The following UBXN2A variants were observed in gnomAD, a reference collection of about 807,000 sequenced individuals.
The protein encoded by UBXN2A is UBX domain-containing protein 2A.
In UBXN2A, 28 loss-of-function variants were observed where a neutral mutation model predicts 28.4. That is an observed-to-expected ratio of 0.99 (90% CI 0.73 to 1.35). UBXN2A has a LOEUF of 1.35. Among genes scored for constraint, UBXN2A ranks in the 40% most tolerant of loss-of-function variants. UBXN2A has a pLI of 0.00. For missense variants in UBXN2A, 253 were observed against 297.9 expected, an observed-to-expected ratio of 0.85 and a Z score of 1.11; for synonymous variants, 97 against 103.6, an observed-to-expected ratio of 0.94 and a Z score of 0.39.
At position 24,000,329 on chromosome 2, in the gene UBXN2A, G is replaced by A; in HGVS notation, c.*462G>A. The A allele has an allele frequency of 6.5e-6, 1 of 153,460 alleles. No homozygotes were observed. The highest frequency in any genetic ancestry group is 1.4e-5 in the Non-Finnish European group (1 of 69,036). 9.5% of individuals were successfully genotyped at this position (153,460 alleles called of 1,614,324 possible). A position where few individuals can be genotyped will look rare whatever the true frequency, so the allele number is the denominator to read the frequency against. On this transcript the variant is annotated 3_prime_UTR_variant, in exon 7 of 7. Transcript: ENST00000309033. ...GAGGCCGAGACAGGCAGATCACGAG[G>A]TCAACAGATTGAGACCATCCTGGCA... is the stretch of plus-strand genomic sequence containing the variant.
chr2:23,944,056 G>A (rs1705909425), intron 1 of UBXN2A: 1 of 597,970 alleles, frequency 1.7e-6, no homozygotes, highest in Non-Finnish European at 3.2e-6. Context: ...ATGTCCATCT[G>A]CCACCATGGC....
At chr2:23,988,777 T>C (rs1397949252) in intron 6 of UBXN2A, among the ~76,000 whole-genome samples, 3 of 152,202 alleles carry the variant, frequency 2.0e-5, no homozygotes, top group African/African-American at 7.2e-5. Context: ...TGTCTATACC[T>C]ACTCATAGTT....
chr2:23,964,424 G>T (rs1005356882), intron 2 of UBXN2A, among the ~76,000 whole-genome samples: 2 of 152,120 alleles, frequency 1.3e-5, no homozygotes, highest in African/African-American at 4.8e-5. Flanking sequence ...TGGTCAGGCT[G>T]GTCTCAAACT....
intron 1 of UBXN2A, among the ~76,000 whole-genome samples, chr2:23,950,899 G>A (rs747842410): frequency 6.6e-6 from 1 of 151,342 alleles, no homozygotes. Flanking sequence ...GGCTGGTCTC[G>A]AACTCCTGAC....
At chr2:23,978,831 A>G (rs12479331) in intron 4 of UBXN2A, among the ~76,000 whole-genome samples, 111,121 of 150,982 alleles carry the variant, frequency 0.74, 41,255 homozygotes, top group East Asian at 0.85. Flanking sequence ...GCATCGTGGC[A>G]CGTGCCTGTT....
intron 6 of UBXN2A, among the ~76,000 whole-genome samples, chr2:23,995,868 C>T (rs1164345326): frequency 2.0e-5 from 3 of 151,968 alleles, no homozygotes; most frequent in Non-Finnish European, 2.9e-5. Context: ...ATGATCAAAA[C>T]AAAATCCTCT....
intron 1 of UBXN2A, among the ~76,000 whole-genome samples, chr2:23,941,995 T>C (rs1705782620): frequency 6.6e-6 from 1 of 152,094 alleles, no homozygotes; most frequent in South Asian, 2.1e-4. Context: ...GGAGAATAGC[T>C]TGAGCCGGCG....
At chr2:23,993,322 T>C (rs1302146095) in intron 6 of UBXN2A, among the ~76,000 whole-genome samples, 1 of 152,194 alleles carries the variant, frequency 6.6e-6, no homozygotes, top group Non-Finnish European at 1.5e-5. Context: ...TAGCTTTTTT[T>C]CCCCCTAAAT....
chr2:23,949,116 C>CTTTTTTTTTTTTTTTTTTTT (rs1223944833), intron 1 of UBXN2A, among the ~76,000 whole-genome samples: 3 of 127,062 alleles, frequency 2.4e-5, no homozygotes, highest in Admixed American at 8.2e-5. Flanking sequence ...ATTTTTTTTT[C>CTTTTTTTTTTTTTTTTTTTT]TTTTTTTTTT....
chr2:23,959,057 T>G (rs932073155), intron 2 of UBXN2A, among the ~76,000 whole-genome samples: 1 of 152,170 alleles, frequency 6.6e-6, no homozygotes, highest in Non-Finnish European at 1.5e-5. Flanking sequence ...TGCTCAGAAC[T>G]CCTGGCTTCA....
At chr2:23,961,879 C>G (rs958268079) in intron 2 of UBXN2A, among the ~76,000 whole-genome samples, 19 of 148,554 alleles carry the variant, frequency 1.3e-4, no homozygotes, top group African/African-American at 4.2e-4. Context: ...GAGTCTTGCT[C>G]TGTCACCCAG....
intron 1 of UBXN2A, among the ~76,000 whole-genome samples, chr2:23,952,470 A>G (rs775513695): frequency 5.6e-4 from 85 of 151,812 alleles, no homozygotes; most frequent in Non-Finnish European, 1.0e-3. Context: ...TTTGAGACAG[A>G]GTCTTTCCCT....
In UBXN2A at chr2:23,952,537, C is replaced by T. The variant is rs192740131; in HGVS notation, c.-14-5764C>T. On this transcript the variant is annotated intron_variant, in intron 1 of 6. Coordinates refer to ENST00000309033, the MANE Select transcript of UBXN2A (RefSeq NM_181713.4). ...TCAGCTCACCACAATCTCCACCTCC[C>T]GGGTTCAAGCAGTTCTTCTGCCTCA... Among the ~76,000 whole-genome samples the T allele has an allele frequency of 3.6e-3, 548 of 152,226 alleles. 2 individuals are homozygous for T. Among genetic ancestry groups the T allele is most frequent in the Middle Eastern group, 0.014 (4 of 294 alleles).
rs767955819 is a variant in UBXN2A at position 23,958,326 on chromosome 2, A to G, written c.12A>G (p.Val4=). ...TAAGGCGAAAGAGAATGAAAGACGT[A>G]GATAACCTCAAAAGTATAAAAGAAG... MKD[V]DNLKSIKEEW... is the part of the protein sequence containing the mutation. The change falls in exon 2 of 7, where the codon GTA becomes GTG. Residue 4 remains valine, a synonymous_variant. Transcript: ENST00000309033. The G allele has an allele frequency of 6.2e-7, 1 of 1,604,394 alleles. No homozygotes were observed. The highest frequency in any genetic ancestry group is 1.1e-5 in the South Asian group (1 of 88,182).
intron 6 of UBXN2A, among the ~76,000 whole-genome samples, chr2:23,999,052 C>G (rs1708648181): frequency 6.6e-6 from 1 of 152,138 alleles, no homozygotes. Context: ...GTAGCCCTTA[C>G]AGGTTTAATA....
intron 6 of UBXN2A, among the ~76,000 whole-genome samples, chr2:23,985,696 T>G (rs185129391): frequency 6.6e-6 from 1 of 152,216 alleles, no homozygotes; most frequent in Admixed American, 6.5e-5. Context: ...TGGGTATTTT[T>G]AAACATTGAA....
intron 3 of UBXN2A, among the ~76,000 whole-genome samples, chr2:23,973,140 C>G (rs1190758656): frequency 2.0e-5 from 3 of 151,722 alleles, no homozygotes; most frequent in Non-Finnish European, 2.9e-5. Flanking sequence ...CTGCCTCAGC[C>G]TCCCTAATAG....
intron 1 of UBXN2A, among the ~76,000 whole-genome samples, chr2:23,954,395 C>T (rs930543263): frequency 2.6e-5 from 4 of 152,064 alleles, no homozygotes; most frequent in Non-Finnish European, 4.4e-5. Context: ...TTATATACAC[C>T]TCATTTTGTT....
At chr2:23,961,539 CTTTT>C (rs71395167) in intron 2 of UBXN2A, among the ~76,000 whole-genome samples, 3 of 51,270 alleles carry the variant, frequency 5.9e-5, no homozygotes, top group Non-Finnish European at 1.0e-4. Context: ...AGAAAACTGC[CTTTT>C]TTTTTTTTTT....
Sources: gnomAD v4.1 joint callset for allele counts (sites outside exome capture counted in the v4.1 genomes callset) on GRCh38, gnomAD v4.1.1 for gene constraint, MANE v1.5 for transcripts, NCBI Gene and HGNC (gene_info 2026-07-23, HGNC 2026-07-21) for gene names.